The following EIF3H variants were observed in gnomAD, a reference collection of about 807,000 sequenced individuals.
EIF3H encodes the protein eukaryotic translation initiation factor 3 subunit H.
Under a neutral mutation model 44.2 loss-of-function variants are expected in EIF3H, and 26 were observed. That is an observed-to-expected ratio of 0.59 (90% CI 0.43 to 0.82). The LOEUF (loss-of-function observed/expected upper bound fraction) is 0.82, where lower values mean the gene tolerates loss of function less well. Ranked by LOEUF, EIF3H falls within the 40% of genes least tolerant of loss-of-function variation. The probability of loss-of-function intolerance (pLI) is 0.00; values close to 1 mark genes in which losing one functional copy is unlikely to be tolerated. For synonymous variants in EIF3H, 166 were observed against 151.9 expected (o/e 1.09, Z -0.68); for missense variants, 359 against 432.8 (o/e 0.83, Z 1.51).
intron 2 of EIF3H, among the ~76,000 whole-genome samples, chr8:116,724,393 C>T (rs1406055529): frequency 6.6e-6 from 1 of 152,152 alleles, no homozygotes; most frequent in African/African-American, 2.4e-5. Context: ...GGATTTGGCA[C>T]TGATATCTTC....
rs995824906 is a variant in EIF3H at position 116,716,068 on chromosome 8, T to C, written c.289+9948A>G. On this transcript the variant is annotated intron_variant, in intron 2 of 7. Coordinates refer to ENST00000521861, the MANE Select transcript of EIF3H (RefSeq NM_003756.3). ...AGAGAGACAAGCAACAGAAAACTTATAATAACAGTTTTCTAGGTTTTGAAT... is the reference window on the plus strand; with the variant it reads ...AGAGAGACAAGCAACAGAAAACTTACAATAACAGTTTTCTAGGTTTTGAAT... 1.6e-4 allele frequency among the ~76,000 whole-genome samples: 25 copies of C among 152,176 alleles called. 1 individual carries two copies. In the South Asian group the frequency reaches 2.7e-3, roughly 16 times the overall value.
At chr8:116,715,610 A>T (rs1400604805) in intron 2 of EIF3H, among the ~76,000 whole-genome samples, 1 of 152,092 alleles carries the variant, frequency 6.6e-6, no homozygotes, top group Non-Finnish European at 1.5e-5. Context: ...TTTGGCTCTG[A>T]CGCAAAATAA....
At chr8:116,646,707 C>T in intron 6 of EIF3H, 104 bp from the exon 7 acceptor site, 2 of 1,451,140 alleles carry the variant, frequency 1.4e-6, no homozygotes, top group Non-Finnish European at 9.3e-7. Flanking sequence ...GCTCTGAATT[C>T]CAACCTCAGT....
chr8:116,715,974 TAA>T (rs761880066), intron 2 of EIF3H, among the ~76,000 whole-genome samples: 1 of 152,060 alleles, frequency 6.6e-6, no homozygotes, highest in Non-Finnish European at 1.5e-5. Context: ...TTCTGTAATA[TAA>T]AAGTTTATGA....
rs1463277461 is a variant in EIF3H at position 116,755,767 on chromosome 8, T to C, written c.31A>G (p.Thr11Ala). 1 of 1,613,918 alleles carries C rather than the reference T, an allele frequency of 6.2e-7. No individual in the cohort carries two copies. Among genetic ancestry groups the C allele is most frequent in the Non-Finnish European group, 8.5e-7 (1 of 1,180,034 alleles). ...GCGGTGGAGCTGGAAGAGGTGGCAG[T>C]AGAGCCGGTACCTTCCTTGCGGGAC... MASRKEGTGS[T>A]ATSSSSTAGA... The change falls in exon 1 of 8, where the codon ACT (threonine) becomes GCT (alanine). Residue 11 changes from threonine to alanine, a missense_variant. By Grantham distance (58) the Thr-to-Ala change is moderately conservative. This residue lies in a region of EIF3H where 59 missense variants were observed against 33.5 expected (regional missense o/e 1.76). Transcript: ENST00000521861.
At chr8:116,682,171 TA>T (rs1207761591) in intron 2 of EIF3H, among the ~76,000 whole-genome samples, 4 of 152,162 alleles carry the variant, frequency 2.6e-5, no homozygotes, top group Non-Finnish European at 5.9e-5. Context: ...AACCCAGAAT[TA>T]AAATCAGTTG....
chr8:116,764,741 A>G (rs377730930), intron 1 of EIF3H, among the ~76,000 whole-genome samples: 3 of 152,088 alleles, frequency 2.0e-5, no homozygotes, highest in Middle Eastern at 3.4e-3. Context: ...CTGGTTTCCA[A>G]CTCCTGGGCT....
chr8:116,686,677 T>C (rs1814083025), intron 2 of EIF3H, among the ~76,000 whole-genome samples: 1 of 149,622 alleles, frequency 6.7e-6, no homozygotes, highest in Non-Finnish European at 1.5e-5. Flanking sequence ...GGTTGTAGGG[T>C]ACAGAATTAA....
chr8:116,756,093 C>A, upstream of EIF3H: 1 of 1,258,422 alleles, frequency 7.9e-7, no homozygotes, highest in South Asian at 1.3e-5. Context: ...CATTACAGTT[C>A]GCATTATTTC....
intron 1 of EIF3H, among the ~76,000 whole-genome samples, chr8:116,755,154 G>A (rs1207146349): frequency 6.6e-6 from 1 of 152,124 alleles, no homozygotes; most frequent in Non-Finnish European, 1.5e-5. Context: ...ATGTTTTTCA[G>A]AATGAACACT....
At chr8:116,672,535 TG>T (rs1389453918) in intron 2 of EIF3H, among the ~76,000 whole-genome samples, 1 of 151,698 alleles carries the variant, frequency 6.6e-6, no homozygotes, top group Non-Finnish European at 1.5e-5. Flanking sequence ...GAGAACGAGG[TG>T]GAAGGATCAC....
intron 2 of EIF3H, among the ~76,000 whole-genome samples, chr8:116,680,636 G>C (rs1407842514): frequency 1.6e-5 from 2 of 124,424 alleles, no homozygotes; most frequent in African/African-American, 3.1e-5. Context: ...CAGCATGCTC[G>C]TTAAGAGTCA....
chr8:116,699,741 G>A (rs755261698), intron 2 of EIF3H, among the ~76,000 whole-genome samples: 18 of 152,176 alleles, frequency 1.2e-4, no homozygotes, highest in South Asian at 4.1e-4. Flanking sequence ...ATGCATAGGC[G>A]CCCTAATTAT....
chr8:116,646,456 A>G lies in EIF3H; in HGVS notation c.961+15T>C, dbSNP rs1419322416. On this transcript the variant is annotated intron_variant, in intron 7 of 7. Coordinates refer to ENST00000521861, the MANE Select transcript of EIF3H (RefSeq NM_003756.3). ...ACGAACAAAACCAGCCAGGTTTTGC[A>G]CTGGGCAACAATACCTGCAATGAGC... The G allele has an allele frequency of 3.1e-6, 5 of 1,614,006 alleles. No individual in the cohort carries two copies. The Admixed American group carries it at 8.3e-5, about 27-fold the overall frequency.
At chr8:116,692,470 C>CACCT (rs1271559239) in intron 2 of EIF3H, among the ~76,000 whole-genome samples, 1 of 151,932 alleles carries the variant, frequency 6.6e-6, no homozygotes, top group East Asian at 1.9e-4. Flanking sequence ...GAGAAAAGAC[C>CACCT]ACCTAGCTTA....
At chr8:116,760,203 A>G (rs1815504894), upstream of EIF3H, among the ~76,000 whole-genome samples, 1 of 152,184 alleles carries the variant, frequency 6.6e-6, no homozygotes, top group Non-Finnish European at 1.5e-5. Context: ...ACTGGCTACC[A>G]CTATAATCTC....
intron 2 of EIF3H, among the ~76,000 whole-genome samples, chr8:116,693,362 T>A (rs186683493): frequency 6.6e-6 from 1 of 151,702 alleles, no homozygotes; most frequent in Non-Finnish European, 1.5e-5. Flanking sequence ...TTCAGGGCCA[T>A]TTTTTTTTCC....
intron 1 of EIF3H, among the ~76,000 whole-genome samples, chr8:116,748,033 C>T (rs919879965): frequency 2.6e-5 from 4 of 152,128 alleles, no homozygotes; most frequent in African/African-American, 9.6e-5. Flanking sequence ...ATCGCTTGAA[C>T]CTGGGAGGCG....
chr8:116,725,869 T>C lies in EIF3H; in HGVS notation c.289+147A>G, dbSNP rs559223828. ...ATAAACCCTCATTTCCCAGAATTTA[T>C]ATAATTTTCCCAAAGTATCAGACAT... On this transcript the variant is annotated intron_variant, in intron 2 of 7. Transcript: ENST00000521861. The C allele has an allele frequency of 1.3e-5, 12 of 937,312 alleles. No individual in the cohort carries two copies. In the African/African-American group the frequency reaches 2.0e-4, roughly 16 times the overall value. 58.1% of individuals were successfully genotyped at this position (937,312 alleles called of 1,614,324 possible).
Sources: gnomAD v4.1 joint callset for allele counts (sites outside exome capture counted in the v4.1 genomes callset) on GRCh38, gnomAD v4.1.1 for gene constraint, gnomAD v4.1.1 regional missense constraint, MANE v1.5 for transcripts, NCBI Gene and HGNC (gene_info 2026-07-23, HGNC 2026-07-21) for gene names.